The following LCOR variants were observed in gnomAD, a reference collection of about 807,000 sequenced individuals.
LCOR encodes ligand-dependent corepressor.
Under a neutral mutation model 64.4 loss-of-function variants are expected in LCOR, and 14 were observed. The observed-to-expected ratio is 0.22, with a 90% CI of 0.14 to 0.34. LCOR has a LOEUF of 0.34. Among genes scored for constraint, LCOR ranks in the 10% least tolerant of loss-of-function variants. The pLI is 1.00. For missense variants in LCOR, 1,686 were observed against 1,765.3 expected, an observed-to-expected ratio of 0.96 and a Z score of 0.80; for synonymous variants, 643 against 642.5, an observed-to-expected ratio of 1.00 and a Z score of -0.01.
At chr10:96,951,470 G>C (rs1377768450) in intron 6 of LCOR, among the ~76,000 whole-genome samples, 2 of 151,866 alleles carry the variant, frequency 1.3e-5, no homozygotes, top group East Asian at 3.9e-4. Flanking sequence ...TTTTTTAAAG[G>C]ATTGAATATA....
chr10:96,983,748 A>G lies in LCOR; in HGVS notation c.3288A>G (p.Pro1096=), dbSNP rs1848117885. The change falls in exon 8 of 8, where the codon CCA becomes CCG. Residue 1096 remains proline, a synonymous_variant. Coordinates refer to ENST00000421806, the MANE Select transcript of LCOR (RefSeq NM_001346516.2). The surrounding 1 kb of genome is among the most constrained non-coding windows in gnomAD (Gnocchi z 4.5). The part of the protein sequence containing the change: ...DDVDTVVDEQ[P]KFMEWCAEEE... ...TTGACACCGTGGTAGATGAACAGCC[A>G]AAGTTTATGGAATGGTGTGCTGAGG... The G allele has an allele frequency of 1.9e-6, 3 of 1,614,210 alleles. No homozygotes were observed. The highest frequency in any genetic ancestry group is 2.5e-6 in the Non-Finnish European group (3 of 1,180,030).
chr10:96,914,065 C>A (rs1304159415), intron 4 of LCOR, among the ~76,000 whole-genome samples: 1 of 152,170 alleles, frequency 6.6e-6, no homozygotes, highest in Non-Finnish European at 1.5e-5. Flanking sequence ...TTTCAGTGCC[C>A]AGCTAGCTCA....
chr10:96,884,401 A>G (rs959522477), intron 2 of LCOR, among the ~76,000 whole-genome samples: 3 of 152,216 alleles, frequency 2.0e-5, no homozygotes, highest in African/African-American at 7.2e-5. Flanking sequence ...ATTCTTTTGC[A>G]GGGCATAAGC....
rs1845631180 is a variant in LCOR at position 96,846,419 on chromosome 10, A to C, written c.-330+12940A>C. ...AGGTGTGTACCACCATGCCTGGCTA[A>C]TTTTTTTTTTCTTCTAGAGATGGGG... On this transcript the variant is annotated intron_variant, in intron 2 of 7. Transcript: ENST00000421806. Among the ~76,000 whole-genome samples, 2 of 149,812 alleles carry C rather than the reference A, an allele frequency of 1.3e-5. 1 individual carries two copies. The highest frequency in any genetic ancestry group is 3.9e-4 in the East Asian group (2 of 5,120).
intron 7 of LCOR, among the ~76,000 whole-genome samples, chr10:96,980,013 G>A (rs185669957): frequency 1.4e-3 from 211 of 152,264 alleles, no homozygotes; most frequent in Non-Finnish European, 2.3e-3. Flanking sequence ...GCGTGGCGGC[G>A]TGCGCCTGTA....
intron 7 of LCOR, chr10:96,957,551 CAAAAACAAACATT>C (rs1847805283): frequency 2.0e-6 from 2 of 985,196 alleles, no homozygotes; most frequent in Non-Finnish European, 2.4e-6. Flanking sequence ...AATGCTTAAC[CAAAAACAAACATT>C]ATTGGAGTTT....
chr10:96,933,015 T>G (rs963116256), intron 4 of LCOR, among the ~76,000 whole-genome samples: 2 of 152,258 alleles, frequency 1.3e-5, no homozygotes, highest in Non-Finnish European at 2.9e-5. Context: ...AAAAAACTGG[T>G]CTAATTGCAA....
chr10:96,956,962 CTTAGAT>C, intron 7 of LCOR: 1 of 985,012 alleles, frequency 1.0e-6, no homozygotes, highest in Non-Finnish European at 1.2e-6. Context: ...AAAAGTGATA[CTTAGAT>C]TTTACAGCCT....
At chr10:96,950,664 A>C (rs1255455817) in intron 6 of LCOR, among the ~76,000 whole-genome samples, 1 of 152,130 alleles carries the variant, frequency 6.6e-6, no homozygotes, top group Non-Finnish European at 1.5e-5. Flanking sequence ...TTTGAACTAC[A>C]TGATAGCATT....
chr10:96,855,867 G>C (rs1176182533), intron 2 of LCOR, among the ~76,000 whole-genome samples: 2 of 151,298 alleles, frequency 1.3e-5, no homozygotes, highest in African/African-American at 4.9e-5. Flanking sequence ...TCAGCCTCCC[G>C]AGTAGCTGGG....
intron 2 of LCOR, among the ~76,000 whole-genome samples, chr10:96,887,188 T>C (rs544096792): frequency 2.0e-4 from 31 of 152,314 alleles, no homozygotes; most frequent in African/African-American, 7.0e-4. Flanking sequence ...ACCAAACTTT[T>C]ATAGTAGATA....
intron 5 of LCOR, among the ~76,000 whole-genome samples, chr10:96,946,205 C>G (rs914173224): frequency 6.6e-6 from 1 of 151,844 alleles, no homozygotes; most frequent in Non-Finnish European, 1.5e-5. Flanking sequence ...AAATTAATAC[C>G]AAAAATGTTT....
chr10:96,881,617 C>T (rs529035645), intron 2 of LCOR, among the ~76,000 whole-genome samples: 8 of 152,112 alleles, frequency 5.3e-5, no homozygotes, highest in African/African-American at 1.7e-4. Flanking sequence ...CCACCACGCC[C>T]GGCTATTTTT....
intron 2 of LCOR, among the ~76,000 whole-genome samples, chr10:96,901,443 T>C (rs1846635826): frequency 6.6e-6 from 1 of 152,178 alleles, no homozygotes; most frequent in African/African-American, 2.4e-5. Flanking sequence ...CTTGTAAATT[T>C]TTATTGTTGA....
chr10:96,873,008 A>T (rs1264892587), intron 2 of LCOR, among the ~76,000 whole-genome samples: 4 of 152,224 alleles, frequency 2.6e-5, no homozygotes, highest in African/African-American at 9.6e-5. Flanking sequence ...CATTATTAAC[A>T]CTGTAGACAA....
chr10:96,927,799 A>T (rs906032408), intron 4 of LCOR, among the ~76,000 whole-genome samples: 8 of 152,188 alleles, frequency 5.3e-5, no homozygotes, highest in African/African-American at 1.7e-4. Flanking sequence ...GACCCTACAG[A>T]CATACCTGAG....
At chr10:96,890,134 G>A (rs140196014) in intron 2 of LCOR, among the ~76,000 whole-genome samples, 4 of 151,992 alleles carry the variant, frequency 2.6e-5, no homozygotes, top group African/African-American at 7.2e-5. Flanking sequence ...ATGGAGTCTC[G>A]CTGTGTCGCC....
intron 7 of LCOR, among the ~76,000 whole-genome samples, chr10:96,954,221 A>C (rs1847727510): frequency 6.6e-6 from 1 of 152,168 alleles, no homozygotes; most frequent in African/African-American, 2.4e-5. Flanking sequence ...CATGATACTC[A>C]TGTATCTGCA....
chr10:96,895,741 C>T (rs533429592), intron 2 of LCOR, among the ~76,000 whole-genome samples: 1 of 152,304 alleles, frequency 6.6e-6, no homozygotes, highest in African/African-American at 2.4e-5. Context: ...CAGTGCTGTT[C>T]ACTCTGCCTA....
Sources: gnomAD v4.1 joint callset for allele counts (sites outside exome capture counted in the v4.1 genomes callset) on GRCh38, gnomAD v4.1.1 for gene constraint, Gnocchi (gnomAD v3.1) non-coding constraint, MANE v1.5 for transcripts, NCBI Gene and HGNC (gene_info 2026-07-23, HGNC 2026-07-21) for gene names.